The following GRIP2 variants were observed in gnomAD, a reference collection of about 807,000 sequenced individuals.
GRIP2 encodes glutamate receptor interacting protein 2, also known as glutamate receptor-interacting protein 2.
GRIP2 carries 58 observed loss-of-function variants against 108.3 expected under a neutral mutation model. That is an observed-to-expected ratio of 0.54 (90% CI 0.43 to 0.67). The LOEUF (loss-of-function observed/expected upper bound fraction) is 0.67. GRIP2 is among the 30% of genes least tolerant of loss of function. GRIP2 has a pLI of 0.00. For synonymous variants in GRIP2, 586 were observed against 598.2 expected, an observed-to-expected ratio of 0.98 and a Z score of 0.30; for missense variants, 1,278 against 1,430.6, an observed-to-expected ratio of 0.89 and a Z score of 1.72.
rs1204311849 is a variant in GRIP2, at chr3:14,511,125, G to C, written c.1933+40C>G. The C allele has an allele frequency of 6.2e-7, 1 of 1,609,002 alleles. No homozygotes were observed. The highest frequency in any genetic ancestry group is 8.5e-7 in the Non-Finnish European group (1 of 1,177,278). On this transcript the variant is annotated intron_variant, in intron 16 of 23. Transcript: ENST00000621039. The surrounding 1 kb of genome is among the most constrained non-coding windows in gnomAD (Gnocchi z 4.1). ...AAGCTGGGAACCCGCTAGTCAAAGG[G>C]TGGGCCTCTGGAGGTAGGAGGCCAG...
intron 1 of GRIP2, among the ~76,000 whole-genome samples, chr3:14,548,364 G>A (rs961235645): frequency 2.6e-5 from 4 of 152,156 alleles, no homozygotes; most frequent in African/African-American, 9.7e-5. Flanking sequence ...GGCCCCTCCG[G>A]TGAAGACACA....
chr3:14,601,093 A>AAC, the GRIP2 span, among the ~76,000 whole-genome samples: 1 of 144,542 alleles, frequency 6.9e-6, no homozygotes, highest in Non-Finnish European at 1.5e-5. Flanking sequence ...CACACACACG[A>AAC]ACACACACAC....
chr3:14,541,336 G>A (rs895375663), upstream of GRIP2, among the ~76,000 whole-genome samples: 1 of 152,258 alleles, frequency 6.6e-6, no homozygotes, highest in African/African-American at 2.4e-5. Context: ...CAACTGCACA[G>A]TGCGTCTGGC....
the GRIP2 span, among the ~76,000 whole-genome samples, chr3:14,592,301 G>A: frequency 6.6e-6 from 1 of 152,296 alleles, no homozygotes; most frequent in South Asian, 2.1e-4. Flanking sequence ...GCCTTCCAGG[G>A]CTCTGAGGCT....
chr3:14,525,797 G>C, intron 2 of GRIP2, 54 bp downstream of exon 2: 1 of 1,518,278 alleles, frequency 6.6e-7, no homozygotes. Flanking sequence ...CCCCCACCTA[G>C]GGCTCTCTGT....
chr3:14,523,768 T>G, intron 4 of GRIP2, 70 bp from the exon 5 acceptor site: 1 of 1,026,796 alleles, frequency 9.7e-7, no homozygotes, highest in Admixed American at 2.0e-5. Context: ...TGCCCAAAGC[T>G]CATTCCAGGA....
At chr3:14,534,299 G>A (rs1182273752) in intron 1 of GRIP2, among the ~76,000 whole-genome samples, 1 of 152,124 alleles carries the variant, frequency 6.6e-6, no homozygotes, top group African/African-American at 2.4e-5. Context: ...GACTCCAGCT[G>A]GCCAGAGCTT....
chr3:14,556,339 C>G (rs1575038660), upstream of GRIP2, among the ~76,000 whole-genome samples: 1 of 152,328 alleles, frequency 6.6e-6, no homozygotes, highest in East Asian at 1.9e-4. Context: ...TTGATACTTC[C>G]AGGCCTTTGC....
intron 1 of GRIP2, among the ~76,000 whole-genome samples, chr3:14,551,757 G>A (rs1695153661): frequency 1.3e-5 from 2 of 152,192 alleles, no homozygotes; most frequent in Admixed American, 6.5e-5. Context: ...CGCCCCCGGG[G>A]TGAAATGTTT....
Position 14,523,007 on chromosome 3 carries a change from CA to C in GRIP2, c.558del (p.Ala187ProfsTer7). On this transcript the variant is annotated frameshift_variant, in exon 6 of 24. Coordinates refer to ENST00000621039, the MANE Select transcript of GRIP2 (RefSeq NM_001080423.4). LOFTEE classifies it high-confidence loss of function. ...TCTTCTGCCTCGGCTCACCTGTCGGCAGGGCCACCGGGCCGCACGTAGGTCA... is the reference window on the plus strand; with the variant it reads ...TCTTCTGCCTCGGCTCACCTGTCGGCGGGCCACCGGGCCGCACGTAGGTCA... ...LVLTYVRPGG[P>X]ADREGSLKVG... 1 of 1,613,716 alleles carries C rather than the reference CA, an allele frequency of 6.2e-7. No individual in the cohort carries two copies. The highest frequency in any genetic ancestry group is 8.5e-7 in the Non-Finnish European group (1 of 1,179,726).
At chr3:14,573,589 T>C in the GRIP2 span, 1 of 1,442,172 alleles carries the variant, frequency 6.9e-7, no homozygotes, top group African/African-American at 1.4e-5. Flanking sequence ...TCCCGGGAGG[T>C]GATCTCACAC....
intron 16 of GRIP2, 21 bp from the exon 17 acceptor site, chr3:14,509,985 G>A (rs1440723368): frequency 2.8e-6 from 4 of 1,454,270 alleles, no homozygotes; most frequent in East Asian, 2.6e-5. Context: ...GGGGACCCAT[G>A]AGGAGGAGGC....
the GRIP2 span, among the ~76,000 whole-genome samples, chr3:14,580,539 TA>T: frequency 6.6e-6 from 1 of 151,726 alleles, no homozygotes; most frequent in Non-Finnish European, 1.5e-5. Context: ...CTACAAAAAA[TA>T]AAAAAAATTA....
At chr3:14,573,964 C>A in the GRIP2 span, 1 of 1,073,426 alleles carries the variant, frequency 9.3e-7, no homozygotes, top group Non-Finnish European at 1.4e-6. Flanking sequence ...AAGCTGTGCA[C>A]CTGCGGATCC....
rs995408540 is a variant in GRIP2, at chr3:14,491,311, C to T, written c.*2354G>A. 10 of 152,340 alleles carry T rather than the reference C, an allele frequency of 6.6e-5. No individual in the cohort carries two copies. Among genetic ancestry groups the T allele is most frequent in the South Asian group, 2.1e-4 (1 of 4,816 alleles). The allele number at this position is 152,340 out of a possible 1,614,324, so 9.4% of individuals were successfully genotyped here. ...TTGCAATACAGCCCCTTGTGCTTCC[C>T]GAGAGCCCTAAGAAAACCCGATGTA... On this transcript the variant is annotated 3_prime_UTR_variant, in exon 24 of 24. Transcript: ENST00000621039.
At chr3:14,594,208 TC>T in the GRIP2 span, among the ~76,000 whole-genome samples, 1 of 152,158 alleles carries the variant, frequency 6.6e-6, no homozygotes, top group Non-Finnish European at 1.5e-5. Context: ...TCTGTCCCTA[TC>T]CCTCTCCCAG....
At chr3:14,496,591 C>G in intron 21 of GRIP2, 31 bp from the exon 22 acceptor site, 1 of 1,579,252 alleles carries the variant, frequency 6.3e-7, no homozygotes, top group Non-Finnish European at 8.6e-7. Context: ...CTTTCAGATG[C>G]TTGTTGGCTT....
the GRIP2 span, among the ~76,000 whole-genome samples, chr3:14,568,054 G>C: frequency 6.6e-6 from 1 of 152,214 alleles, no homozygotes; most frequent in Non-Finnish European, 1.5e-5. Context: ...AGTGATGGAC[G>C]GAGTAGCAGA....
At position 14,522,405 on chromosome 3, in the gene GRIP2, T is replaced by C. The variant is rs1694437731; in HGVS notation, c.566+595A>G. ...GCCAAAGCTATTCTCGGGGGTTCTA[T>C]GAATAGCTCATCACAGGGCCCTGTC... On this transcript the variant is annotated intron_variant, in intron 6 of 23. Transcript: ENST00000621039. This position sits in a 1 kb window ranked among gnomAD's most constrained non-coding sequence, Gnocchi z 4.3. 2 of 152,800 alleles carry C rather than the reference T, an allele frequency of 1.3e-5. No homozygotes were observed. The highest frequency in any genetic ancestry group is 4.8e-5 in the African/African-American group (2 of 41,438). 9.5% of individuals were successfully genotyped at this position (152,800 alleles called of 1,614,324 possible).
Sources: gnomAD v4.1 joint callset for allele counts (sites outside exome capture counted in the v4.1 genomes callset) on GRCh38, gnomAD v4.1.1 for gene constraint, Gnocchi (gnomAD v3.1) non-coding constraint, MANE v1.5 for transcripts, NCBI Gene and HGNC (gene_info 2026-07-23, HGNC 2026-07-21) for gene names.